Variants in HHAT observed in about 807,000 individuals in gnomAD.
HHAT encodes the protein hedgehog acyltransferase, also known as protein-cysteine N-palmitoyltransferase HHAT.
HHAT carries 47 observed loss-of-function variants against 70.8 expected under a neutral mutation model. That is an observed-to-expected ratio of 0.66 (90% CI 0.53 to 0.85). The LOEUF is 0.85. Ranked by LOEUF, HHAT falls within the 40% of genes least tolerant of loss-of-function variation. The probability of loss-of-function intolerance (pLI) is 0.00; values close to 1 mark genes in which losing one functional copy is unlikely to be tolerated. For missense variants in HHAT, 609 were observed against 604.8 expected (o/e 1.01, Z -0.07); for synonymous variants, 228 against 247.6 (o/e 0.92, Z 0.74).
At chr1:210,606,609 T>G (rs1665505691) in intron 10 of HHAT, among the ~76,000 whole-genome samples, 1 of 152,220 alleles carries the variant, frequency 6.6e-6, no homozygotes. Context: ...GATGCTTCCC[T>G]TCTCCTCTCT....
At chr1:210,661,126 A>C (rs975258959) in intron 11 of HHAT, among the ~76,000 whole-genome samples, 2 of 152,360 alleles carry the variant, frequency 1.3e-5, no homozygotes, top group South Asian at 4.1e-4. Flanking sequence ...CAGAGTGAAC[A>C]GGCAACCTAC....
chr1:210,499,559 T>C (rs1223836590), intron 8 of HHAT, among the ~76,000 whole-genome samples: 1 of 152,098 alleles, frequency 6.6e-6, no homozygotes, highest in Non-Finnish European at 1.5e-5. Flanking sequence ...ATGAGAATCC[T>C]TGGAACCCAG....
intron 11 of HHAT, among the ~76,000 whole-genome samples, chr1:210,643,705 AT>A (rs142070413): frequency 3.6e-3 from 523 of 146,162 alleles, no homozygotes; most frequent in Admixed American, 3.4e-3. Flanking sequence ...CAGTAGATTC[AT>A]TTTTTTTTTT....
At chr1:210,549,987 T>C (rs1267204717) in intron 9 of HHAT, among the ~76,000 whole-genome samples, 1 of 149,320 alleles carries the variant, frequency 6.7e-6, no homozygotes, top group Non-Finnish European at 1.5e-5. Flanking sequence ...CAGAAGAGAA[T>C]GTTTACTGTC....
intron 7 of HHAT, among the ~76,000 whole-genome samples, chr1:210,428,964 G>C (rs556612610): frequency 1.8e-4 from 28 of 151,928 alleles, no homozygotes; most frequent in Admixed American, 1.4e-3. Context: ...GGGCAACAGA[G>C]TGAGACTCTG....
intron 11 of HHAT, among the ~76,000 whole-genome samples, chr1:210,661,601 C>T (rs1030382690): frequency 2.6e-4 from 39 of 152,198 alleles, no homozygotes; most frequent in Non-Finnish European, 4.8e-4. Context: ...CACATGCACA[C>T]GTATGTTTAT....
At chr1:210,349,652 C>CT (rs34752131) in intron 2 of HHAT, among the ~76,000 whole-genome samples, 36,259 of 135,764 alleles carry the variant, frequency 0.27, 4,973 homozygotes, top group Admixed American at 0.33. Flanking sequence ...CTACCTAAAA[C>CT]TTTTTTTTTT....
intron 8 of HHAT, among the ~76,000 whole-genome samples, chr1:210,504,505 T>C (rs1164345906): frequency 2.0e-5 from 3 of 152,206 alleles, no homozygotes. Context: ...AATTTCTAAT[T>C]CTACATTCAG....
chr1:210,530,739 T>A (rs2095306315), intron 9 of HHAT, among the ~76,000 whole-genome samples: 1 of 152,164 alleles, frequency 6.6e-6, no homozygotes, highest in Admixed American at 6.5e-5. Context: ...GTGGGCCCTA[T>A]GTGCTTCTAA....
At chr1:210,587,701 T>C (rs1243718294) in intron 9 of HHAT, among the ~76,000 whole-genome samples, 197 bp from the exon 10 acceptor site, 1 of 152,216 alleles carries the variant, frequency 6.6e-6, no homozygotes, top group Non-Finnish European at 1.5e-5. Flanking sequence ...TCATTTAACC[T>C]AACACCCTGC....
chr1:210,342,077 C>T (rs895440883), intron 1 of HHAT, among the ~76,000 whole-genome samples: 3 of 152,054 alleles, frequency 2.0e-5, no homozygotes, highest in Middle Eastern at 3.4e-3. Context: ...CTTTTTTCCC[C>T]CTACCAGCTT....
At chr1:210,453,007 TGTTTAA>T (rs1349878724) in intron 7 of HHAT, among the ~76,000 whole-genome samples, 1 of 152,234 alleles carries the variant, frequency 6.6e-6, no homozygotes, top group East Asian at 1.9e-4. Flanking sequence ...TTTAGCTCAG[TGTTTAA>T]GTACCAACTG....
At chr1:210,576,564 C>T (rs866005211) in intron 9 of HHAT, among the ~76,000 whole-genome samples, 38 of 151,350 alleles carry the variant, frequency 2.5e-4, no homozygotes, top group African/African-American at 8.7e-4. Flanking sequence ...ATACCTAATG[C>T]TAAATGACGA....
chr1:210,583,947 ATTTTTTTTT>A (rs371722219), intron 9 of HHAT, among the ~76,000 whole-genome samples: 2 of 88,994 alleles, frequency 2.2e-5, no homozygotes, highest in African/African-American at 4.3e-5. Flanking sequence ...AGTGCAGCTA[ATTTTTTTTT>A]TTTTTTTTTT....
At chr1:210,474,439 C>T (rs780920354) in intron 8 of HHAT, among the ~76,000 whole-genome samples, 3 of 152,136 alleles carry the variant, frequency 2.0e-5, no homozygotes, top group South Asian at 4.1e-4. Context: ...TATAGATGTG[C>T]ACCACCATGC....
intron 7 of HHAT, among the ~76,000 whole-genome samples, chr1:210,421,799 G>A (rs2092912531): frequency 6.6e-6 from 1 of 151,916 alleles, no homozygotes; most frequent in Admixed American, 6.6e-5. Flanking sequence ...TTTCTAATGG[G>A]ATTTCTGTCT....
intron 2 of HHAT, among the ~76,000 whole-genome samples, chr1:210,353,286 G>GC (rs2087237205): frequency 6.6e-6 from 1 of 152,072 alleles, no homozygotes; most frequent in Non-Finnish European, 1.5e-5. Context: ...GCATCAGAAG[G>GC]CTTGTGTGAT....
At chr1:210,374,179 A>G (rs1252965627) in intron 3 of HHAT, 1 of 152,222 alleles carries the variant, frequency 6.6e-6, no homozygotes, top group African/African-American at 2.4e-5. Flanking sequence ...AAGGCTTACA[A>G]AAAATTAGCT....
intron 9 of HHAT, among the ~76,000 whole-genome samples, chr1:210,583,090 G>T (rs867205965): frequency 3.9e-5 from 6 of 152,088 alleles, no homozygotes; most frequent in African/African-American, 9.7e-5. Context: ...TATAAAATAG[G>T]CCTAGTTATT....
Sources: gnomAD v4.1 joint callset for allele counts (sites outside exome capture counted in the v4.1 genomes callset) on GRCh38, gnomAD v4.1.1 for gene constraint, MANE v1.5 for transcripts, NCBI Gene and HGNC (gene_info 2026-07-23, HGNC 2026-07-21) for gene names.